SLC5A12: variants seen among roughly 807,000 people sequenced by gnomAD.
SLC5A12 encodes solute carrier family 5 member 12, also known as sodium-coupled monocarboxylate transporter 2.
Under a neutral mutation model 72.7 loss-of-function variants are expected in SLC5A12, and 46 were observed. That is an observed-to-expected ratio of 0.63 (90% CI 0.50 to 0.81). SLC5A12 has a LOEUF of 0.81. SLC5A12 is among the 30% of genes least tolerant of loss of function. The probability of loss-of-function intolerance (pLI) is 0.00; values close to 1 mark genes in which losing one functional copy is unlikely to be tolerated. For missense variants in SLC5A12, 683 were observed against 740.7 expected, an observed-to-expected ratio of 0.92 and a Z score of 0.90; for synonymous variants, 275 against 264.4, an observed-to-expected ratio of 1.04 and a Z score of -0.39.
At chr11:26,716,512 T>C (rs1249771365) in intron 1 of SLC5A12, among the ~76,000 whole-genome samples, 1 of 152,214 alleles carries the variant, frequency 6.6e-6, no homozygotes, top group African/African-American at 2.4e-5. Flanking sequence ...ACAGAGAAGT[T>C]GCATGCTTCA....
At chr11:26,697,774 G>C (rs1428544975) in intron 7 of SLC5A12, among the ~76,000 whole-genome samples, 1 of 152,044 alleles carries the variant, frequency 6.6e-6, no homozygotes, top group African/African-American at 2.4e-5. Flanking sequence ...TGTGAAACCT[G>C]TAGGAAGAGT....
At chr11:26,674,068 T>C (rs890091690) in intron 13 of SLC5A12, among the ~76,000 whole-genome samples, 1 of 152,128 alleles carries the variant, frequency 6.6e-6, no homozygotes, top group African/African-American at 2.4e-5. Context: ...TTTCCCTTCC[T>C]TGAAACATAC....
In SLC5A12 at chr11:26,673,457, T is replaced by G. The variant is rs1030234442; in HGVS notation, c.1652A>C (p.Lys551Thr). Residue 551 changes from lysine (K) to threonine (T), a missense_variant, in exon 14 of 15, where the codon AAG becomes ACG. Lys to Thr is a moderately conservative substitution (Grantham distance 78). Coordinates refer to ENST00000396005, the MANE Select transcript of SLC5A12 (RefSeq NM_178498.4). Reference sequence around the variant, plus strand: ...ACACCAGCATAGTGTTTTGTACTTCTTAGACCAAAAGCAAAATAAATTACA... The same window carrying G: ...ACACCAGCATAGTGTTTTGTACTTCGTAGACCAAAAGCAAAATAAATTACA... Reference protein sequence around the residue: ...PVCNLFCFWSKKYKTLCWCGV... With the variant: ...PVCNLFCFWSTKYKTLCWCGV... The G allele has an allele frequency of 6.2e-7, 1 of 1,612,066 alleles. No homozygotes were observed. Among genetic ancestry groups the G allele is most frequent in the Admixed American group, 1.7e-5 (1 of 59,766 alleles).
chr11:26,722,921 G>A (rs188964006), upstream of SLC5A12, among the ~76,000 whole-genome samples: 1 of 150,500 alleles, frequency 6.6e-6, no homozygotes, highest in African/African-American at 2.4e-5. Context: ...GCCTCTCCAC[G>A]TCAACTCCTG....
At chr11:26,683,664 CA>C in intron 11 of SLC5A12, 92 bp downstream of exon 11, 1 of 1,019,348 alleles carries the variant, frequency 9.8e-7, no homozygotes, top group Non-Finnish European at 1.5e-6. Context: ...CTGGCTAAGA[CA>C]GATAGCTTTT....
At chr11:26,675,152 T>A (rs1277576296) in intron 13 of SLC5A12, among the ~76,000 whole-genome samples, 1 of 152,136 alleles carries the variant, frequency 6.6e-6, no homozygotes, top group Non-Finnish European at 1.5e-5. Context: ...AAGAGTTTTG[T>A]CTCTGAATGA....
chr11:26,705,728 T>A (rs890808724), intron 4 of SLC5A12, among the ~76,000 whole-genome samples: 1 of 152,084 alleles, frequency 6.6e-6, no homozygotes, highest in African/African-American at 2.4e-5. Context: ...AAGATTTTAG[T>A]GCTATGAAGA....
chr11:26,717,803 C>T (rs1409566422), intron 1 of SLC5A12, among the ~76,000 whole-genome samples: 3 of 152,184 alleles, frequency 2.0e-5, no homozygotes, highest in Non-Finnish European at 2.9e-5. Flanking sequence ...CATGGCCTCA[C>T]TCACAGGTCT....
chr11:26,709,266 A>G, intron 4 of SLC5A12, 46 bp downstream of exon 4: 1 of 1,407,720 alleles, frequency 7.1e-7, no homozygotes, highest in Non-Finnish European at 9.9e-7. Flanking sequence ...CCCTTATCCC[A>G]TATTAGGAGG....
chr11:26,711,208 A>C, intron 3 of SLC5A12, 99 bp downstream of exon 3: 1 of 977,008 alleles, frequency 1.0e-6, no homozygotes, highest in Non-Finnish European at 1.6e-6. Flanking sequence ...TCTAACCAGA[A>C]GAATATCTCC....
At chr11:26,680,926 G>C in intron 12 of SLC5A12, 129 bp downstream of exon 12, 1 of 833,934 alleles carries the variant, frequency 1.2e-6, no homozygotes, top group Non-Finnish European at 1.7e-6. Flanking sequence ...TCAGTGCTGG[G>C]TACTTCCCTG....
chr11:26,696,438 A>G (rs1229600702), intron 8 of SLC5A12, among the ~76,000 whole-genome samples: 1 of 152,240 alleles, frequency 6.6e-6, no homozygotes, highest in East Asian at 1.9e-4. Flanking sequence ...ATATATAGCC[A>G]TGCATTGGTT....
Position 26,712,695 on chromosome 11 carries a change from T to C in SLC5A12, c.351A>G (p.Leu117=), listed in dbSNP as rs1855260353. The change falls in exon 2 of 15, where the codon CTA becomes CTG. Residue 117 remains leucine, a synonymous_variant. Transcript: ENST00000396005. ...CATAGCGAACTGGTTTGTTGAATCG[T>C]AGTTGTAAGTACTAAAGGAAACAGA... The part of the protein sequence containing the change: ...GITSTYEYLQ[L]RFNKPVRYAA... 2 of 1,587,986 alleles carry C rather than the reference T, an allele frequency of 1.3e-6. No individual in the cohort carries two copies. The highest frequency in any genetic ancestry group is 1.7e-6 in the Non-Finnish European group (2 of 1,160,788).
intron 2 of SLC5A12, among the ~76,000 whole-genome samples, chr11:26,712,297 TA>T (rs1227799105): frequency 6.6e-6 from 1 of 151,718 alleles, no homozygotes; most frequent in African/African-American, 2.4e-5. Context: ...AGCAAACAAG[TA>T]AAAAAACAAA....
chr11:26,681,041 T>A lies in SLC5A12; in HGVS notation c.1475+14A>T, dbSNP rs748032988. 8 of 1,575,712 alleles carry A rather than the reference T, an allele frequency of 5.1e-6. No individual in the cohort carries two copies. In the South Asian group the frequency reaches 9.5e-5, roughly 19 times the overall value. ...ACTCTCTGGGACTTAGCACCATCTA[T>A]AAAGTCAGCATACCTGCTGGATAGT... On this transcript the variant is annotated intron_variant, in intron 12 of 14. Transcript: ENST00000396005.
chr11:26,692,270 T>C (rs895360331), intron 9 of SLC5A12: 1 of 522,442 alleles, frequency 1.9e-6, no homozygotes, highest in Admixed American at 3.2e-5. Flanking sequence ...TATAGAAGAG[T>C]ATCTGAAAAT....
chr11:26,717,640 T>C (rs886111395), intron 1 of SLC5A12, among the ~76,000 whole-genome samples: 10 of 152,170 alleles, frequency 6.6e-5, no homozygotes, highest in Admixed American at 5.9e-4. Flanking sequence ...AGTTGGCTAT[T>C]GCTATATAAC....
intron 9 of SLC5A12, 77 bp downstream of exon 9, chr11:26,692,412 T>C (rs1348962452): frequency 4.2e-6 from 4 of 954,536 alleles, no homozygotes; most frequent in Non-Finnish European, 6.9e-6. Flanking sequence ...GTGTCCTGAA[T>C]AGCACATGCA....
upstream of SLC5A12, chr11:26,723,189 C>CA (rs1286520837): frequency 2.6e-5 from 4 of 152,458 alleles, no homozygotes; most frequent in East Asian, 1.9e-4. Flanking sequence ...AACAATAAAA[C>CA]AAAAAACGCT....
Sources: gnomAD v4.1 joint callset for allele counts (sites outside exome capture counted in the v4.1 genomes callset) on GRCh38, gnomAD v4.1.1 for gene constraint, MANE v1.5 for transcripts, NCBI Gene and HGNC (gene_info 2026-07-23, HGNC 2026-07-21) for gene names.